MIPEP: variants seen among roughly 807,000 people sequenced by gnomAD.
MIPEP encodes the protein mitochondrial intermediate peptidase.
A neutral mutation model predicts 90.3 loss-of-function variants in MIPEP; 79 were observed. The observed-to-expected ratio is 0.87, with a 90% CI of 0.73 to 1.05. The LOEUF (loss-of-function observed/expected upper bound fraction) is 1.05, where lower values mean the gene tolerates loss of function less well. MIPEP is among the 50% of genes least tolerant of loss of function. MIPEP has a pLI of 0.00. For missense variants in MIPEP, 940 were observed against 905.6 expected, an observed-to-expected ratio of 1.04 and a Z score of -0.49; for synonymous variants, 334 against 315.8, an observed-to-expected ratio of 1.06 and a Z score of -0.61.
intron 16 of MIPEP, among the ~76,000 whole-genome samples, chr13:23,786,660 A>C (rs919723886): frequency 5.3e-5 from 1 of 18,874 alleles, no homozygotes; most frequent in African/African-American, 6.9e-5. Context: ...AAAAATAAGG[A>C]AAGAGTGACT....
chr13:23,793,198 GA>G (rs1178535684), intron 16 of MIPEP, among the ~76,000 whole-genome samples: 2 of 152,186 alleles, frequency 1.3e-5, no homozygotes, highest in Admixed American at 6.5e-5. Flanking sequence ...ATCAGTAGTG[GA>G]ACAGATAAAT....
intron 10 of MIPEP, among the ~76,000 whole-genome samples, chr13:23,849,078 C>A (rs1195175956): frequency 6.6e-6 from 1 of 152,194 alleles, no homozygotes; most frequent in African/African-American, 2.4e-5. Flanking sequence ...GTCACAGGCC[C>A]CAGTACAGCC....
chr13:23,788,357 C>T (rs1952868887), intron 16 of MIPEP, among the ~76,000 whole-genome samples: 1 of 152,154 alleles, frequency 6.6e-6, no homozygotes, highest in South Asian at 2.1e-4. Flanking sequence ...GTGTTTGCTC[C>T]TTGAGCATAC....
At chr13:23,738,606 C>T (rs923243305) in intron 18 of MIPEP, among the ~76,000 whole-genome samples, 1 of 151,314 alleles carries the variant, frequency 6.6e-6, no homozygotes, top group South Asian at 2.1e-4. Context: ...CACCACCACG[C>T]CCAGCTAGTT....
In MIPEP at chr13:23,820,939, T is replaced by G. The variant is rs530680914; in HGVS notation, c.1654-11015A>C. ...TCCACAAAACTCATTCTGATTTCTC[T>G]GCTCCAAAACAGAAGAAAAATAGCC... On this transcript the variant is annotated intron_variant, in intron 14 of 18. Transcript: ENST00000382172. 9.8e-5 allele frequency among the ~76,000 whole-genome samples: 15 copies of G among 152,330 alleles called. No individual in the cohort carries two copies. The South Asian group carries it at 3.1e-3, about 32-fold the overall frequency.
chr13:23,882,787 G>T (rs964721634), intron 2 of MIPEP, among the ~76,000 whole-genome samples: 2 of 151,916 alleles, frequency 1.3e-5, no homozygotes, highest in Non-Finnish European at 2.9e-5. Flanking sequence ...TATATTTGTT[G>T]TAACAATTGG....
chr13:23,839,359 C>T (rs866603528), intron 12 of MIPEP, among the ~76,000 whole-genome samples: 1 of 152,106 alleles, frequency 6.6e-6, no homozygotes, highest in Non-Finnish European at 1.5e-5. Flanking sequence ...ATGTGTATAA[C>T]GGGCTCAGTG....
intron 14 of MIPEP, among the ~76,000 whole-genome samples, chr13:23,813,442 T>G (rs973881502): frequency 6.6e-6 from 1 of 152,140 alleles, no homozygotes; most frequent in Admixed American, 6.5e-5. Flanking sequence ...TGAAATCACC[T>G]CGTGTGTAAA....
rs533694113 is a variant in MIPEP, at chr13:23,848,932, G to A, written c.1107-7444C>T. Among the ~76,000 whole-genome samples, 11 of 152,268 alleles carry A rather than the reference G, an allele frequency of 7.2e-5. No individual in the cohort carries two copies. In the East Asian group the frequency reaches 1.4e-3, roughly 19 times the overall value. ...TTCAAAAAGCTACAGGGTGTTTCCC[G>A]CAGCTCCAACCCACATCTGAGGGGC... On this transcript the variant is annotated intron_variant, in intron 10 of 18. Coordinates refer to ENST00000382172, the MANE Select transcript of MIPEP (RefSeq NM_005932.4).
intron 16 of MIPEP, among the ~76,000 whole-genome samples, chr13:23,761,809 G>A (rs1264879143): frequency 6.6e-6 from 1 of 152,154 alleles, no homozygotes; most frequent in Non-Finnish European, 1.5e-5. Flanking sequence ...GTCTTTATCT[G>A]ACATAAACAT....
intron 16 of MIPEP, among the ~76,000 whole-genome samples, chr13:23,791,248 G>A (rs765616501): frequency 2.6e-5 from 4 of 152,122 alleles, no homozygotes; most frequent in East Asian, 1.9e-4. Flanking sequence ...GCTAGGCACC[G>A]AGTATGGCCA....
At chr13:23,778,617 TG>T (rs1182852241) in intron 16 of MIPEP, among the ~76,000 whole-genome samples, 2 of 152,210 alleles carry the variant, frequency 1.3e-5, no homozygotes, top group African/African-American at 4.8e-5. Flanking sequence ...ACATCCTATG[TG>T]CAACTGATTT....
rs149883648 is a variant in MIPEP, at chr13:23,741,264, T to A, written c.2045-10819A>T. ...GCCATTGTGGAAAGCAGTGTGGCAA[T>A]TCCTCAAAGAGCTAAAAATAGAACT... is the stretch of plus-strand genomic sequence containing the variant. On this transcript the variant is annotated intron_variant, in intron 18 of 18. Coordinates refer to ENST00000382172, the MANE Select transcript of MIPEP (RefSeq NM_005932.4). 3.6e-3 allele frequency among the ~76,000 whole-genome samples: 555 copies of A among 152,278 alleles called. 5 individuals are homozygous for A. Among genetic ancestry groups the A allele is most frequent in the African/African-American group, 0.013 (528 of 41,540 alleles).
chr13:23,853,975 GAA>G (rs762531191), intron 10 of MIPEP, among the ~76,000 whole-genome samples: 1 of 152,050 alleles, frequency 6.6e-6, no homozygotes, highest in Non-Finnish European at 1.5e-5. Flanking sequence ...AGAAGGAAAA[GAA>G]GAGCAAAGAA....
chr13:23,747,146 T>C (rs771560275), intron 18 of MIPEP, among the ~76,000 whole-genome samples: 1 of 152,168 alleles, frequency 6.6e-6, no homozygotes, highest in Non-Finnish European at 1.5e-5. Flanking sequence ...TTTGCTTCCA[T>C]ACATGGGAAG....
At chr13:23,764,500 A>C (rs1052889314) in intron 16 of MIPEP, among the ~76,000 whole-genome samples, 5 of 152,200 alleles carry the variant, frequency 3.3e-5, no homozygotes, top group Non-Finnish European at 1.5e-5. Context: ...CAGAGCAAGC[A>C]CTCAGTAACT....
intron 15 of MIPEP, among the ~76,000 whole-genome samples, chr13:23,809,018 G>A (rs149884288): frequency 6.6e-6 from 1 of 152,236 alleles, no homozygotes; most frequent in East Asian, 2.0e-4. Context: ...AAGATCTGAA[G>A]AGGAGTGAGA....
At chr13:23,789,885 C>T (rs1168037543) in intron 16 of MIPEP, among the ~76,000 whole-genome samples, 1 of 152,190 alleles carries the variant, frequency 6.6e-6, no homozygotes, top group Non-Finnish European at 1.5e-5. Flanking sequence ...CAGCACTGCT[C>T]TCCTGGCTGT....
intron 10 of MIPEP, among the ~76,000 whole-genome samples, chr13:23,853,025 ATCT>A (rs1397594774): frequency 6.6e-6 from 1 of 152,236 alleles, no homozygotes; most frequent in Non-Finnish European, 1.5e-5. Context: ...ATTGTTGTTC[ATCT>A]ATACAATGTG....
Sources: gnomAD v4.1 joint callset for allele counts (sites outside exome capture counted in the v4.1 genomes callset) on GRCh38, gnomAD v4.1.1 for gene constraint, MANE v1.5 for transcripts, NCBI Gene and HGNC (gene_info 2026-07-23, HGNC 2026-07-21) for gene names.